TBC1D8: variants seen among roughly 807,000 people sequenced by gnomAD.
TBC1D8 encodes TBC1 domain family member 8, also known as BUB2-like protein 1.
Under a neutral mutation model 118.8 loss-of-function variants are expected in TBC1D8, and 65 were observed. The ratio of observed to expected loss-of-function variants is 0.55; its 90% CI spans 0.45 to 0.67. The LOEUF (loss-of-function observed/expected upper bound fraction) is 0.67, where lower values mean the gene tolerates loss of function less well. Ranked by LOEUF, TBC1D8 falls within the 30% of genes least tolerant of loss-of-function variation. The probability of loss-of-function intolerance (pLI) is 0.00; values close to 1 mark genes in which losing one functional copy is unlikely to be tolerated. For missense variants in TBC1D8, 1,376 were observed against 1,471.2 expected (o/e 0.94, Z 1.06); for synonymous variants, 566 against 595.8 (o/e 0.95, Z 0.73).
At chr2:101,116,816 A>G (rs1437680613) in intron 1 of TBC1D8, among the ~76,000 whole-genome samples, 1 of 151,778 alleles carries the variant, frequency 6.6e-6, no homozygotes, top group African/African-American at 2.4e-5. Flanking sequence ...TAATTTTTGT[A>G]TTTTTAGTAG....
intron 2 of TBC1D8, among the ~76,000 whole-genome samples, chr2:101,086,012 G>A (rs1675597910): frequency 6.6e-6 from 1 of 151,906 alleles, no homozygotes; most frequent in African/African-American, 2.4e-5. Flanking sequence ...CGTGGTGGCG[G>A]GTGCCTGTAG....
intron 17 of TBC1D8, among the ~76,000 whole-genome samples, 162 bp from the exon 18 acceptor site, chr2:101,011,702 C>T (rs1423982878): frequency 6.6e-6 from 1 of 152,206 alleles, no homozygotes; most frequent in Non-Finnish European, 1.5e-5. Context: ...CAAGCACTGT[C>T]TGGATACCCA....
chr2:101,033,814 TGAA>T lies in TBC1D8; in HGVS notation c.1604-59_1604-57del, dbSNP rs377718693. The stretch of plus-strand genomic sequence containing the variant: ...AATGATTACTAGGATGGTGTCATGA[TGAA>T]GAAGATGCTGGTCCCATCAGGGGAC... On this transcript the variant is annotated intron_variant, in intron 9 of 19. Transcript: ENST00000409318. The T allele has an allele frequency of 3.0e-5, 47 of 1,560,820 alleles. 2 individuals carry two copies. The highest frequency in any genetic ancestry group is 2.8e-4 in the African/African-American group (21 of 74,100).
chr2:101,116,924 C>T (rs1054962907), intron 1 of TBC1D8, among the ~76,000 whole-genome samples: 2 of 152,024 alleles, frequency 1.3e-5, no homozygotes, highest in Non-Finnish European at 2.9e-5. Flanking sequence ...TACAGGTGTG[C>T]ACCACCATGC....
intron 15 of TBC1D8, among the ~76,000 whole-genome samples, chr2:101,024,703 G>A (rs11687185): frequency 0.19 from 28,125 of 151,924 alleles, 2,824 homozygotes; most frequent in Middle Eastern, 0.32. Flanking sequence ...CACCGTGCCC[G>A]GCCAGAACTG....
intron 15 of TBC1D8, among the ~76,000 whole-genome samples, chr2:101,025,430 T>C (rs1303766871): frequency 6.6e-6 from 1 of 152,174 alleles, no homozygotes; most frequent in East Asian, 1.9e-4. Flanking sequence ...TTTCACGATG[T>C]TGGCCAAGCT....
intron 19 of TBC1D8, among the ~76,000 whole-genome samples, chr2:101,010,575 T>A (rs1210172876): frequency 2.0e-5 from 3 of 152,076 alleles, no homozygotes; most frequent in African/African-American, 4.8e-5. Context: ...ATTCTCAGAT[T>A]AATCATCTGA....
chr2:101,150,320 G>C (rs947406511), intron 1 of TBC1D8, among the ~76,000 whole-genome samples: 1 of 151,956 alleles, frequency 6.6e-6, no homozygotes, highest in Non-Finnish European at 1.5e-5. Context: ...CTTTTATTCC[G>C]ATTCCAAAAT....
chr2:101,032,161 G>C (rs1475879942), intron 11 of TBC1D8, 107 bp downstream of exon 11: 2 of 1,027,194 alleles, frequency 1.9e-6, no homozygotes, highest in Non-Finnish European at 2.9e-6. Context: ...AAACAGACTA[G>C]CTGAGTGGCA....
chr2:101,118,615 T>A (rs1677953639), intron 1 of TBC1D8, among the ~76,000 whole-genome samples: 2 of 149,462 alleles, frequency 1.3e-5, no homozygotes, highest in Non-Finnish European at 3.0e-5. Context: ...GAGAATGGCG[T>A]GAACCCGGGA....
chr2:101,124,081 G>C (rs896494240), intron 1 of TBC1D8, among the ~76,000 whole-genome samples: 5 of 152,148 alleles, frequency 3.3e-5, no homozygotes, highest in Non-Finnish European at 7.3e-5. Flanking sequence ...TCAGCAAGAG[G>C]CTCCTGGAGT....
chr2:101,015,561 T>C (rs1357515601), intron 17 of TBC1D8, among the ~76,000 whole-genome samples: 1 of 152,234 alleles, frequency 6.6e-6, no homozygotes, highest in Non-Finnish European at 1.5e-5. Context: ...TATATTCTTA[T>C]TCTATAAACA....
At chr2:101,134,195 T>TCACACA (rs1429845189) in intron 1 of TBC1D8, among the ~76,000 whole-genome samples, 9 of 62,854 alleles carry the variant, frequency 1.4e-4, no homozygotes, top group South Asian at 7.8e-4. Context: ...TCTCTCTCTC[T>TCACACA]CTCACACACA....
intron 1 of TBC1D8, among the ~76,000 whole-genome samples, chr2:101,121,575 G>A (rs1028662770): frequency 2.0e-5 from 3 of 152,218 alleles, no homozygotes; most frequent in African/African-American, 7.2e-5. Context: ...AGCTCTCTGA[G>A]GTCTCATTTG....
At chr2:101,120,123 C>T (rs186322984) in intron 1 of TBC1D8, among the ~76,000 whole-genome samples, 25 of 152,224 alleles carry the variant, frequency 1.6e-4, no homozygotes, top group African/African-American at 4.8e-4. Flanking sequence ...GCAACAAGGA[C>T]GCTCCATCAT....
At chr2:101,105,142 A>G (rs1677118739) in intron 1 of TBC1D8, among the ~76,000 whole-genome samples, 2 of 152,106 alleles carry the variant, frequency 1.3e-5, no homozygotes, top group Admixed American at 1.3e-4. Context: ...GAAAAAATTG[A>G]TGTTAGACTT....
At position 101,028,337 on chromosome 2, in the gene TBC1D8, G is replaced by C. The variant is rs2105384624; in HGVS notation, c.2318C>G (p.Thr773Ser). ...ATCCCGGATCAGGTCCGAAATATCA[G>C]TCACAGGGTAGGGCTCCTGGTCGTC... The part of the protein sequence containing the change: ...FSDDQEPYPV[T>S]DISDLIRDSY... The change falls in exon 13 of 20, where the codon ACT becomes AGT. Residue 773 changes from threonine (T) to serine (S), a missense_variant. Thr to Ser is a moderately conservative substitution (Grantham distance 58, BLOSUM62 1). Coordinates refer to ENST00000409318, the MANE Select transcript of TBC1D8 (RefSeq NM_001330348.2). The C allele has an allele frequency of 6.2e-7, 1 of 1,612,946 alleles. No individual in the cohort carries two copies. Among genetic ancestry groups the C allele is most frequent in the South Asian group, 1.1e-5 (1 of 90,898 alleles).
intron 1 of TBC1D8, among the ~76,000 whole-genome samples, chr2:101,120,294 C>G (rs973927187): frequency 6.6e-6 from 1 of 152,224 alleles, no homozygotes; most frequent in Non-Finnish European, 1.5e-5. Context: ...GGTGCCCACC[C>G]TTCCTGGTGC....
At position 101,038,441 on chromosome 2, in the gene TBC1D8, A is replaced by T. The variant is rs747614232; in HGVS notation, c.1275+20T>A. 2.5e-6 allele frequency: 4 copies of T among 1,605,422 alleles called. No homozygotes were observed. In the South Asian group the frequency reaches 4.4e-5, roughly 18 times the overall value. On this transcript the variant is annotated intron_variant, in intron 7 of 19. Transcript: ENST00000409318. Reference sequence around the variant, plus strand: ...CTGAGACATGAAGAAGGGGATCATCAGGGTCTGGAGGGACCATACCATGTC... The same window carrying T: ...CTGAGACATGAAGAAGGGGATCATCTGGGTCTGGAGGGACCATACCATGTC...
Sources: gnomAD v4.1 joint callset for allele counts (sites outside exome capture counted in the v4.1 genomes callset) on GRCh38, gnomAD v4.1.1 for gene constraint, MANE v1.5 for transcripts, NCBI Gene and HGNC (gene_info 2026-07-23, HGNC 2026-07-21) for gene names.